The following LRRC53 variants were observed in gnomAD, a reference collection of about 807,000 sequenced individuals.
The protein encoded by LRRC53 is leucine-rich repeat-containing protein 53.
Under a neutral mutation model 13.6 loss-of-function variants are expected in LRRC53, and 25 were observed. That is an observed-to-expected ratio of 1.83 (90% CI 1.34 to 2.56). LRRC53 has a LOEUF of 2.56. LRRC53 is among the 30% of genes most tolerant of loss of function. The pLI is 0.00. For synonymous variants in LRRC53, 204 were observed against 109.8 expected (o/e 1.86, Z -5.37); for missense variants, 527 against 275.8 (o/e 1.91, Z -6.45).
the LRRC53 span, among the ~76,000 whole-genome samples, chr1:74,532,482 A>G: frequency 1.3e-5 from 2 of 151,208 alleles, no homozygotes; most frequent in Non-Finnish European, 2.9e-5. Flanking sequence ...TTTTTATTTT[A>G]TTATTATTAT....
upstream of LRRC53, among the ~76,000 whole-genome samples, chr1:74,516,625 T>C (rs1457567253): frequency 6.6e-6 from 1 of 152,152 alleles, no homozygotes; most frequent in Non-Finnish European, 1.5e-5. Context: ...CTTGCTACTA[T>C]GGGCCATGGG....
At chr1:74,529,489 G>A in the LRRC53 span, among the ~76,000 whole-genome samples, 12 of 152,144 alleles carry the variant, frequency 7.9e-5, no homozygotes, top group African/African-American at 1.2e-4. Flanking sequence ...AAAGAAACAT[G>A]ACAATTCAGT....
intron 1 of LRRC53, among the ~76,000 whole-genome samples, chr1:74,497,667 C>T (rs974092968): frequency 2.0e-5 from 3 of 152,022 alleles, no homozygotes; most frequent in Non-Finnish European, 1.5e-5. Context: ...CAGCCTTGAC[C>T]TCTCTGCTTC....
At chr1:74,518,106 C>G in the LRRC53 span, among the ~76,000 whole-genome samples, 1 of 152,004 alleles carries the variant, frequency 6.6e-6, no homozygotes, top group Non-Finnish European at 1.5e-5. Context: ...AGATGGTGGA[C>G]CAGGAGGTTC....
the LRRC53 span, among the ~76,000 whole-genome samples, chr1:74,520,811 G>T: frequency 4.6e-5 from 7 of 152,076 alleles, no homozygotes; most frequent in Non-Finnish European, 2.9e-5. Context: ...AGCTGGGGTG[G>T]GTGTAACAGG....
chr1:74,491,452 G>A (rs1310703921), intron 1 of LRRC53, among the ~76,000 whole-genome samples: 1 of 152,048 alleles, frequency 6.6e-6, no homozygotes, highest in East Asian at 1.9e-4. Context: ...CTGTTGACCA[G>A]GATGGTGTCG....
Position 74,512,531 on chromosome 1 carries a change from G to A in LRRC53, c.-32C>T, listed in dbSNP as rs1670281842. ...AAAGAAAGAAATTAACTTACCCAAA[G>A]GTCTCACAGCTTGTAGTTTGTGAAT... On this transcript the variant is annotated 5_prime_UTR_variant, in exon 1 of 5. Transcript: ENST00000294635. The A allele has an allele frequency of 6.6e-6, 1 of 152,172 alleles. No homozygotes were observed. Among genetic ancestry groups the A allele is most frequent in the South Asian group, 2.1e-4 (1 of 4,828 alleles). 9.4% of individuals were successfully genotyped at this position (152,172 alleles called of 1,614,324 possible).
chr1:74,477,030 A>G (rs1034006119), intron 3 of LRRC53, among the ~76,000 whole-genome samples: 1 of 152,162 alleles, frequency 6.6e-6, no homozygotes, highest in South Asian at 2.1e-4. Context: ...GTGCTATAAC[A>G]TATTGAAGCA....
the LRRC53 span, among the ~76,000 whole-genome samples, chr1:74,530,743 G>A: frequency 6.7e-6 from 1 of 149,112 alleles, no homozygotes; most frequent in African/African-American, 2.5e-5. Flanking sequence ...TTTTTTTCCT[G>A]GATGATAGTA....
intron 1 of LRRC53, among the ~76,000 whole-genome samples, chr1:74,507,212 T>G (rs1669948175): frequency 7.2e-6 from 1 of 139,672 alleles, no homozygotes; most frequent in African/African-American, 2.6e-5. Flanking sequence ...GAGCAGTTTT[T>G]AAATTTCTTC....
chr1:74,503,036 T>A (rs954391022), intron 1 of LRRC53, among the ~76,000 whole-genome samples: 4 of 152,228 alleles, frequency 2.6e-5, no homozygotes, highest in Admixed American at 2.6e-4. Context: ...TTTATGGAAC[T>A]GAGTACACTG....
chr1:74,501,756 G>A (rs1228223000), intron 1 of LRRC53, among the ~76,000 whole-genome samples: 2 of 151,802 alleles, frequency 1.3e-5, no homozygotes, highest in African/African-American at 2.4e-5. Flanking sequence ...CAAAGTGCTG[G>A]GATTACAAGC....
Position 74,471,139 on chromosome 1 carries a change from G to T in LRRC53, c.2483C>A (p.Ser828Ter). The T allele has an allele frequency of 2.5e-6, 1 of 400,734 alleles. No homozygotes were observed. The highest frequency in any genetic ancestry group is 1.3e-4 in the South Asian group (1 of 7,946). 24.8% of individuals were successfully genotyped at this position (400,734 alleles called of 1,614,324 possible). A position where few individuals can be genotyped will look rare whatever the true frequency, so the allele number is the denominator to read the frequency against. ...GTTTCCATCAGGAATGTGGCCAGCT[G>T]AGTAACAGCTGCTTTCTATAGAGCT... ...NQSSIESSCY[S>*]AGHIPDGNTS... The change falls in exon 5 of 5, where the codon TCA becomes TAA. Residue 828 changes from serine to a stop codon, truncating the protein, a stop_gained. Transcript: ENST00000294635. LOFTEE classifies it low-confidence loss of function (END_TRUNC).
At chr1:74,522,561 T>G in the LRRC53 span, among the ~76,000 whole-genome samples, 1 of 152,104 alleles carries the variant, frequency 6.6e-6, no homozygotes, top group Non-Finnish European at 1.5e-5. Context: ...AAAAGTAGCA[T>G]GAAAAAGAGA....
the LRRC53 span, among the ~76,000 whole-genome samples, chr1:74,534,166 T>G: frequency 6.6e-6 from 1 of 152,076 alleles, no homozygotes; most frequent in Non-Finnish European, 1.5e-5. Context: ...TAGTAGAACG[T>G]AATGTTCTGG....
chr1:74,482,588 C>A (rs141162824), intron 2 of LRRC53, among the ~76,000 whole-genome samples: 2 of 152,066 alleles, frequency 1.3e-5, no homozygotes, highest in Admixed American at 1.3e-4. Flanking sequence ...AAGAAATTAT[C>A]CTCTTCCACT....
chr1:74,473,550 T>C (rs1187248557), intron 4 of LRRC53, among the ~76,000 whole-genome samples: 1 of 152,094 alleles, frequency 6.6e-6, no homozygotes, highest in Admixed American at 6.6e-5. Flanking sequence ...TTTTCATTTT[T>C]AACATTGTTA....
At chr1:74,486,867 G>A (rs76260105) in intron 1 of LRRC53, among the ~76,000 whole-genome samples, 2,929 of 152,174 alleles carry the variant, frequency 0.019, 94 homozygotes, top group African/African-American at 0.067. Flanking sequence ...CAGGGACAAA[G>A]GAATTGTTGC....
intron 1 of LRRC53, among the ~76,000 whole-genome samples, chr1:74,494,938 G>A (rs1570698713): frequency 1.3e-5 from 2 of 152,152 alleles, no homozygotes; most frequent in Admixed American, 6.5e-5. Context: ...AGAATAGGAG[G>A]CACAGCAGCA....
Sources: allele counts gnomAD v4.1 joint callset (sites outside exome capture counted in the v4.1 genomes callset), GRCh38; gene constraint gnomAD v4.1.1; transcripts MANE v1.5; gene names NCBI Gene and HGNC (gene_info 2026-07-23, HGNC 2026-07-21).